Variants in SLIT2 observed in about 807,000 individuals in gnomAD.
The protein encoded by SLIT2 is slit guidance ligand 2, also known as slit homolog 2 protein.
A neutral mutation model predicts 185.7 loss-of-function variants in SLIT2; 41 were observed. The observed-to-expected ratio is 0.22, with a 90% CI of 0.17 to 0.29. SLIT2 has a LOEUF of 0.29. Among genes scored for constraint, SLIT2 ranks in the 10% least tolerant of loss-of-function variants. The pLI is 1.00. For synonymous variants in SLIT2, 693 were observed against 680.2 expected (o/e 1.02, Z -0.29); for missense variants, 1,571 against 1,909.0 (o/e 0.82, Z 3.30).
At chr4:20,518,557 GTATATATATA>G in intron 11 of SLIT2, among the ~76,000 whole-genome samples, 555 of 17,844 alleles carry the variant, frequency 0.031, 23 homozygotes, top group Middle Eastern at 0.12. Flanking sequence ...CAGCCTATAT[GTATATATATA>G]TATATATATA....
intron 4 of SLIT2, among the ~76,000 whole-genome samples, chr4:20,425,973 G>C (rs1728529468): frequency 6.6e-6 from 1 of 152,024 alleles, no homozygotes; most frequent in African/African-American, 2.4e-5. Flanking sequence ...TTCAGTTTGG[G>C]ATTTGCTGTC....
chr4:20,404,007 A>C (rs943334944), intron 4 of SLIT2, among the ~76,000 whole-genome samples: 2 of 151,954 alleles, frequency 1.3e-5, no homozygotes, highest in African/African-American at 2.4e-5. Flanking sequence ...ATAAAGATGA[A>C]TTATTTATCT....
chr4:20,559,563 AAAT>A (rs1217211292), intron 26 of SLIT2, among the ~76,000 whole-genome samples: 2 of 151,964 alleles, frequency 1.3e-5, no homozygotes, highest in African/African-American at 2.4e-5. Context: ...CTACCACTAC[AAAT>A]AATAATAACA....
At chr4:20,427,607 A>G (rs1410996431) in intron 4 of SLIT2, among the ~76,000 whole-genome samples, 3 of 151,744 alleles carry the variant, frequency 2.0e-5, no homozygotes, top group Non-Finnish European at 2.9e-5. Context: ...ATTTTTTCCA[A>G]CATTGCTGGT....
At chr4:20,452,095 G>C (rs1185473342) in intron 4 of SLIT2, among the ~76,000 whole-genome samples, 1 of 152,216 alleles carries the variant, frequency 6.6e-6, no homozygotes, top group African/African-American at 2.4e-5. Context: ...AGATAAAGAA[G>C]CATTTGTGCA....
chr4:20,563,845 C>G (rs1221372072), intron 26 of SLIT2, among the ~76,000 whole-genome samples: 2 of 151,684 alleles, frequency 1.3e-5, no homozygotes, highest in Non-Finnish European at 2.9e-5. Flanking sequence ...TTTGATCTCA[C>G]TAGGTTCCCT....
chr4:20,488,725 C>A, intron 7 of SLIT2, 94 bp from the exon 8 acceptor site: 2 of 848,368 alleles, frequency 2.4e-6, no homozygotes, highest in Non-Finnish European at 1.8e-6. Flanking sequence ...ATCTGCTTAG[C>A]TTTATCTACT....
chr4:20,530,656 A>G (rs1160077910), intron 16 of SLIT2, among the ~76,000 whole-genome samples: 3 of 152,202 alleles, frequency 2.0e-5, no homozygotes, highest in Admixed American at 2.0e-4. Flanking sequence ...ACTTCAGCAA[A>G]TGTGTGTAAT....
intron 5 of SLIT2, among the ~76,000 whole-genome samples, chr4:20,474,641 TC>T (rs1189339827): frequency 1.3e-5 from 2 of 152,068 alleles, no homozygotes; most frequent in Non-Finnish European, 2.9e-5. Flanking sequence ...TGCTGTGTCT[TC>T]TTATGATACA....
intron 21 of SLIT2, 52 bp downstream of exon 21, chr4:20,542,678 T>G: frequency 6.3e-7 from 1 of 1,586,028 alleles, no homozygotes; most frequent in Non-Finnish European, 8.6e-7. Context: ...TGATAAATGT[T>G]TCATACACCC....
intron 4 of SLIT2, among the ~76,000 whole-genome samples, chr4:20,384,088 C>G (rs1384266948): frequency 1.4e-5 from 2 of 147,678 alleles, no homozygotes; most frequent in Non-Finnish European, 3.0e-5. Flanking sequence ...TTCAGAGCAG[C>G]TTTTTTTTTT....
intron 4 of SLIT2, among the ~76,000 whole-genome samples, chr4:20,301,537 C>T (rs1415479890): frequency 1.3e-5 from 2 of 152,164 alleles, no homozygotes; most frequent in East Asian, 3.9e-4. Flanking sequence ...TAGTTTCAGA[C>T]TCCCTACTTT....
intron 4 of SLIT2, among the ~76,000 whole-genome samples, chr4:20,434,181 A>T (rs929938076): frequency 6.6e-6 from 1 of 152,156 alleles, no homozygotes; most frequent in Admixed American, 6.5e-5. Flanking sequence ...AGTGGGAAGA[A>T]GTGAAATACG....
chr4:20,501,733 T>G (rs909072523), intron 9 of SLIT2, among the ~76,000 whole-genome samples: 1 of 152,216 alleles, frequency 6.6e-6, no homozygotes, highest in African/African-American at 2.4e-5. Context: ...AGGCCATTAT[T>G]GAGTTCACTA....
At chr4:20,515,401 C>G (rs1239871857) in intron 11 of SLIT2, among the ~76,000 whole-genome samples, 3 of 152,044 alleles carry the variant, frequency 2.0e-5, no homozygotes, top group East Asian at 1.9e-4. Context: ...TTTCATTAGC[C>G]CTTTGTAAAC....
At chr4:20,608,671 C>CA (rs1020827352) in intron 33 of SLIT2, among the ~76,000 whole-genome samples, 2 of 152,014 alleles carry the variant, frequency 1.3e-5, no homozygotes, top group South Asian at 2.1e-4. Context: ...GTTCTCAAAT[C>CA]AAAAAAACGT....
intron 4 of SLIT2, among the ~76,000 whole-genome samples, chr4:20,364,022 T>G (rs955036404): frequency 6.6e-6 from 1 of 152,124 alleles, no homozygotes; most frequent in African/African-American, 2.4e-5. Flanking sequence ...TGTATATATG[T>G]CAAAAAATAT....
chr4:20,321,834 T>C (rs887915366), intron 4 of SLIT2, among the ~76,000 whole-genome samples: 1 of 152,198 alleles, frequency 6.6e-6, no homozygotes, highest in African/African-American at 2.4e-5. Context: ...CCTAAACTCA[T>C]GTTTAAACTT....
chr4:20,380,947 C>A (rs1166104399), intron 4 of SLIT2, among the ~76,000 whole-genome samples: 1 of 151,922 alleles, frequency 6.6e-6, no homozygotes, highest in Non-Finnish European at 1.5e-5. Context: ...AAACCATAAC[C>A]AAAGCACATC....
Sources: gnomAD v4.1 joint callset for allele counts (sites outside exome capture counted in the v4.1 genomes callset) on GRCh38, gnomAD v4.1.1 for gene constraint, MANE v1.5 for transcripts, NCBI Gene and HGNC (gene_info 2026-07-23, HGNC 2026-07-21) for gene names.